The following CACNB2 variants were observed in gnomAD, a reference collection of about 807,000 sequenced individuals.
CACNB2 encodes calcium voltage-gated channel auxiliary subunit beta 2.
A neutral mutation model predicts 73.3 loss-of-function variants in CACNB2; 42 were observed. That is an observed-to-expected ratio of 0.57 (90% CI 0.45 to 0.74). CACNB2 has a LOEUF of 0.74. Among genes scored for constraint, CACNB2 ranks in the 30% least tolerant of loss-of-function variants. The pLI, the probability that CACNB2 is intolerant of heterozygous loss-of-function variation, is 0.00. For synonymous variants in CACNB2, 348 were observed against 310.3 expected (o/e 1.12, Z -1.28); for missense variants, 940 against 853.0 (o/e 1.10, Z -1.27).
chr10:18,333,371 C>T (rs1369235148), intron 2 of CACNB2, among the ~76,000 whole-genome samples: 1 of 151,704 alleles, frequency 6.6e-6, no homozygotes. Flanking sequence ...TTAAATAGTA[C>T]AGCTTTGGGA....
chr10:18,424,899 T>A (rs1020405357), intron 3 of CACNB2, among the ~76,000 whole-genome samples: 2 of 152,188 alleles, frequency 1.3e-5, no homozygotes, highest in African/African-American at 2.4e-5. Context: ...TTGCAGATAA[T>A]CCCAGTCTGG....
intron 5 of CACNB2, 26 bp downstream of exon 5, chr10:18,500,974 C>T (rs2050162960): frequency 6.2e-7 from 1 of 1,609,306 alleles, no homozygotes; most frequent in Non-Finnish European, 8.5e-7. Context: ...CAAGTGTTTG[C>T]ATAAAACTTA....
chr10:18,174,318 TC>T (rs1481294767), intron 2 of CACNB2, among the ~76,000 whole-genome samples: 4 of 121,742 alleles, frequency 3.3e-5, no homozygotes, highest in Non-Finnish European at 5.1e-5. Flanking sequence ...CCTCCCTCCC[TC>T]CCCCCTCTTT....
chr10:18,448,005 TA>T (rs956291457), intron 3 of CACNB2, among the ~76,000 whole-genome samples: 4 of 152,134 alleles, frequency 2.6e-5, no homozygotes, highest in African/African-American at 9.7e-5. Context: ...TTTTGTTTTT[TA>T]ATAGAGATAG....
chr10:18,226,279 A>G (rs1473229514), intron 2 of CACNB2, among the ~76,000 whole-genome samples: 1 of 152,132 alleles, frequency 6.6e-6, no homozygotes, highest in Non-Finnish European at 1.5e-5. Context: ...CATTCACCTC[A>G]GCCTCCCAGA....
In CACNB2 at chr10:18,248,598, TAGG is replaced by T. The variant is rs566338830; in HGVS notation, c.213+97626_213+97628del. 1.4e-4 allele frequency among the ~76,000 whole-genome samples: 22 copies of T among 152,370 alleles called. 1 individual carries two copies. The East Asian group carries it at 4.2e-3, about 29-fold the overall frequency. ...ATGTAGCTCATAGCTAATTCAATAT[TAGG>T]AGAAGTGAGCTTCTTTTAAACATAT... On this transcript the variant is annotated intron_variant, in intron 2 of 13. Coordinates refer to ENST00000324631, the MANE Select transcript of CACNB2 (RefSeq NM_201596.3).
chr10:18,188,224 T>TTGCC (rs145488243), intron 2 of CACNB2, among the ~76,000 whole-genome samples: 12,815 of 151,696 alleles, frequency 0.084, 624 homozygotes, highest in East Asian at 0.12. Flanking sequence ...TCCTTCCGTC[T>TTGCC]TGCCTGCCTG....
intron 2 of CACNB2, among the ~76,000 whole-genome samples, chr10:18,345,942 T>G (rs568277746): frequency 2.6e-5 from 4 of 152,310 alleles, no homozygotes; most frequent in African/African-American, 7.2e-5. Flanking sequence ...GTATGAAAAG[T>G]GCATTCTGTC....
At chr10:18,249,034 C>A (rs1426840442) in intron 2 of CACNB2, among the ~76,000 whole-genome samples, 1 of 152,216 alleles carries the variant, frequency 6.6e-6, no homozygotes, top group Non-Finnish European at 1.5e-5. Flanking sequence ...CACTCACCTA[C>A]TCCTGAGAGG....
chr10:18,154,758 G>A (rs868242672), intron 2 of CACNB2, among the ~76,000 whole-genome samples: 8 of 152,238 alleles, frequency 5.3e-5, no homozygotes, highest in Middle Eastern at 6.8e-3. Flanking sequence ...ATGAGCCACC[G>A]CACTGGGCTG....
chr10:18,536,022 G>A, intron 11 of CACNB2, 79 bp from the exon 12 acceptor site: 2 of 832,184 alleles, frequency 2.4e-6, no homozygotes, highest in Admixed American at 1.9e-5. Context: ...AAAGGCCCCA[G>A]AGAAAGGAGT....
rs71402158 is a variant in CACNB2 at position 18,356,942 on chromosome 10, C to CTTTTTTTTTTTTTTTTTTTTTT, written c.214-44962_214-44961insTTTTTTTTTTTTTTTTTTTTTT. On this transcript the variant is annotated intron_variant, in intron 2 of 13. Coordinates refer to ENST00000324631, the MANE Select transcript of CACNB2 (RefSeq NM_201596.3). ...ACTGTGCCTGGCCCAGACTCAATTT[C>CTTTTTTTTTTTTTTTTTTTTTT]TTTTTTTTTTTTTTTTTTTTGAGAC... Among the ~76,000 whole-genome samples, 44 of 101,062 alleles carry CTTTTTTTTTTTTTTTTTTTTTT rather than the reference C, an allele frequency of 4.4e-4. 5 individuals carry two copies. The highest frequency in any genetic ancestry group is 6.9e-4 in the Non-Finnish European group (34 of 49,154). The allele number at this position is 101,062 out of a possible 152,430, so 66.3% of individuals were successfully genotyped here.
intron 2 of CACNB2, among the ~76,000 whole-genome samples, chr10:18,184,362 A>G (rs2034041078): frequency 6.6e-6 from 1 of 152,220 alleles, no homozygotes; most frequent in Admixed American, 6.5e-5. Context: ...TTTTTACTTT[A>G]TGACAAGTTT....
intron 3 of CACNB2, among the ~76,000 whole-genome samples, chr10:18,410,501 G>GTTTT (rs61705369): frequency 0.065 from 9,822 of 152,192 alleles, 824 homozygotes; most frequent in African/African-American, 0.18. Flanking sequence ...CCTGAAGATA[G>GTTTT]TTTATTTCAA....
At position 18,147,715 on chromosome 10, in the gene CACNB2, TA is replaced by T. The variant is rs201503838; in HGVS notation, c.121-3167del. Among the ~76,000 whole-genome samples, 737 of 149,190 alleles carry T rather than the reference TA, an allele frequency of 4.9e-3. 7 individuals are homozygous for T. The highest frequency in any genetic ancestry group is 0.017 in the African/African-American group (689 of 40,184). On this transcript the variant is annotated intron_variant, in intron 1 of 13. Transcript: ENST00000324631. ...GCAAATTAACTAAAACAATTACATATATTTTTTTTTTCAAATTTAGTCAGCT... is the reference window on the plus strand; with the variant it reads ...GCAAATTAACTAAAACAATTACATATTTTTTTTTTTCAAATTTAGTCAGCT...
At chr10:18,345,049 T>C (rs543846354) in intron 2 of CACNB2, among the ~76,000 whole-genome samples, 79 of 152,384 alleles carry the variant, frequency 5.2e-4, no homozygotes, top group Non-Finnish European at 9.1e-4. Context: ...TGCCATTGAT[T>C]GTCCAATAAA....
intron 2 of CACNB2, among the ~76,000 whole-genome samples, chr10:18,295,459 C>G (rs2039239076): frequency 6.6e-6 from 1 of 152,214 alleles, no homozygotes; most frequent in Non-Finnish European, 1.5e-5. Flanking sequence ...TAGGCAAACT[C>G]TCTTGCTGTT....
chr10:18,532,676 C>CAAAAAAAAAA (rs1219587375), intron 10 of CACNB2, among the ~76,000 whole-genome samples: 244 of 92,432 alleles, frequency 2.6e-3, no homozygotes, highest in Non-Finnish European at 4.1e-3. Flanking sequence ...GACTCTGTCT[C>CAAAAAAAAAA]AAAAAAAAAA....
At chr10:18,270,024 C>T (rs1021499318) in intron 2 of CACNB2, among the ~76,000 whole-genome samples, 1 of 152,160 alleles carries the variant, frequency 6.6e-6, no homozygotes, top group African/African-American at 2.4e-5. Flanking sequence ...GTAGTCCATT[C>T]TCACCCTGCT....
Sources: gnomAD v4.1 joint callset for allele counts (sites outside exome capture counted in the v4.1 genomes callset) on GRCh38, gnomAD v4.1.1 for gene constraint, MANE v1.5 for transcripts, NCBI Gene and HGNC (gene_info 2026-07-23, HGNC 2026-07-21) for gene names.